The following PTPRN2 variants were observed in gnomAD, a reference collection of about 807,000 sequenced individuals.
PTPRN2 encodes protein tyrosine phosphatase receptor type N2.
In PTPRN2, 74 loss-of-function variants were observed where a neutral mutation model predicts 118.8. That is an observed-to-expected ratio of 0.62 (90% CI 0.52 to 0.76). The LOEUF (loss-of-function observed/expected upper bound fraction) is 0.76. Among genes scored for constraint, PTPRN2 ranks in the 30% least tolerant of loss-of-function variants. The probability of loss-of-function intolerance (pLI) is 0.00; values close to 1 mark genes in which losing one functional copy is unlikely to be tolerated. For missense variants in PTPRN2, 1,481 were observed against 1,394.4 expected, an observed-to-expected ratio of 1.06 and a Z score of -0.99; for synonymous variants, 641 against 608.0, an observed-to-expected ratio of 1.05 and a Z score of -0.80.
chr7:158,321,396 T>A (rs1457903963), intron 2 of PTPRN2, among the ~76,000 whole-genome samples: 1 of 152,072 alleles, frequency 6.6e-6, no homozygotes, highest in Admixed American at 6.5e-5. Flanking sequence ...CCTCATGAAC[T>A]CTCTTCTACT....
chr7:157,684,858 G>A lies in PTPRN2; in HGVS notation c.1789-1921C>T, dbSNP rs548712492. On this transcript the variant is annotated intron_variant, in intron 12 of 22. Coordinates refer to ENST00000389418, the MANE Select transcript of PTPRN2 (RefSeq NM_002847.5). Reference sequence around the variant, plus strand: ...GGCAGCCCCGCCCTGTGCCCTCCTGGGCCGGCGCGAGGGACCCTAGAGCGC... The same window carrying A: ...GGCAGCCCCGCCCTGTGCCCTCCTGAGCCGGCGCGAGGGACCCTAGAGCGC... Among the ~76,000 whole-genome samples, 355 of 152,110 alleles carry A rather than the reference G, an allele frequency of 2.3e-3. 1 individual carries two copies. Among genetic ancestry groups the A allele is most frequent in the African/African-American group, 8.1e-3 (335 of 41,548 alleles).
intron 2 of PTPRN2, among the ~76,000 whole-genome samples, chr7:158,341,845 C>T (rs1806889581): frequency 2.0e-5 from 1 of 50,634 alleles, no homozygotes; most frequent in Middle Eastern, 0.015. Context: ...CACACCCACA[C>T]TCTCACCATA....
At chr7:157,889,828 A>G (rs74354849) in intron 12 of PTPRN2, among the ~76,000 whole-genome samples, 1,914 of 152,298 alleles carry the variant, frequency 0.013, 37 homozygotes, top group African/African-American at 0.044. Flanking sequence ...GCTCTTTATA[A>G]GGAATAAAGC....
intron 3 of PTPRN2, among the ~76,000 whole-genome samples, chr7:158,220,099 T>G (rs1828243616): frequency 6.6e-6 from 1 of 152,084 alleles, no homozygotes; most frequent in Admixed American, 6.5e-5. Flanking sequence ...TTCAATAAAA[T>G]TCAACATCCC....
rs1056688565 is a variant in PTPRN2, at chr7:158,456,535, G to A, written c.163+33200C>T. Among the ~76,000 whole-genome samples, 19 of 147,696 alleles carry A rather than the reference G, an allele frequency of 1.3e-4. No individual in the cohort carries two copies. The South Asian group carries it at 1.3e-3, about 10-fold the overall frequency. On this transcript the variant is annotated intron_variant, in intron 2 of 22. Transcript: ENST00000389418. The stretch of plus-strand genomic sequence containing the variant: ...ATGCCATCGGCCATGGCCCCCCATC[G>A]CTCTGCGGAGAACATAACGGCACGG...
At position 157,690,469 on chromosome 7, in the gene PTPRN2, C is replaced by A. The variant is rs1000376672; in HGVS notation, c.1789-7532G>T. Among the ~76,000 whole-genome samples, 2 of 152,154 alleles carry A rather than the reference C, an allele frequency of 1.3e-5. No individual in the cohort carries two copies. Among genetic ancestry groups the A allele is most frequent in the African/African-American group, 2.4e-5 (1 of 41,468 alleles). On this transcript the variant is annotated intron_variant, in intron 12 of 22. Coordinates refer to ENST00000389418, the MANE Select transcript of PTPRN2 (RefSeq NM_002847.5). This position sits in a 1 kb window ranked among gnomAD's most constrained non-coding sequence, Gnocchi z 7.1. ...GTGGGCCCTTCCTGCTCCCTCCGCC[C>A]CCATCCCAGCCTCTCTCGCCTCTTC...
intron 19 of PTPRN2, 86 bp from the exon 20 acceptor site, chr7:157,571,579 C>T: frequency 1.0e-6 from 1 of 995,216 alleles, no homozygotes; most frequent in South Asian, 1.5e-5. Flanking sequence ...AGCGCAAGGT[C>T]TGTGTGTTTG....
chr7:157,668,131 G>A (rs969699502), intron 13 of PTPRN2, among the ~76,000 whole-genome samples: 5 of 152,254 alleles, frequency 3.3e-5, no homozygotes, highest in African/African-American at 1.2e-4. Context: ...CTGTGCCCAG[G>A]CCGGGGCCCT....
intron 11 of PTPRN2, among the ~76,000 whole-genome samples, chr7:158,062,612 A>C (rs973471351): frequency 7.2e-5 from 11 of 151,926 alleles, no homozygotes; most frequent in Admixed American, 7.2e-4. Context: ...CGTGGTGCTC[A>C]CGGGCCAGCA....
chr7:157,803,535 C>T (rs577830030), intron 12 of PTPRN2, among the ~76,000 whole-genome samples: 8 of 152,276 alleles, frequency 5.3e-5, no homozygotes, highest in South Asian at 4.1e-4. Context: ...ATGCTTCCCC[C>T]GTGTTTTCTT....
At chr7:158,325,439 C>A (rs184239644) in intron 2 of PTPRN2, among the ~76,000 whole-genome samples, 225 of 152,066 alleles carry the variant, frequency 1.5e-3, no homozygotes, top group Non-Finnish European at 2.4e-3. Flanking sequence ...ACAATATGAT[C>A]ACTTAATTTA....
rs1433277032 is a variant in PTPRN2, at chr7:158,172,113, A to G, written c.550-4822T>C. 1.3e-5 allele frequency among the ~76,000 whole-genome samples: 2 copies of G among 152,194 alleles called. 1 individual carries two copies. The highest frequency in any genetic ancestry group is 4.8e-5 in the African/African-American group (2 of 41,446). On this transcript the variant is annotated intron_variant, in intron 5 of 22. Coordinates refer to ENST00000389418, the MANE Select transcript of PTPRN2 (RefSeq NM_002847.5). ...CCCACTGCATTTCCATATGACGAGA[A>G]GCAGAACCCACTCGCCCACACACTG...
intron 11 of PTPRN2, among the ~76,000 whole-genome samples, chr7:158,018,413 CCT>C (rs1220326536): frequency 6.6e-6 from 1 of 152,224 alleles, no homozygotes; most frequent in Non-Finnish European, 1.5e-5. Flanking sequence ...CATATAAATC[CCT>C]GTTTGTGACG....
Position 157,986,378 on chromosome 7 carries a change from C to T in PTPRN2, c.1724-87641G>A, listed in dbSNP as rs1037775888. Among the ~76,000 whole-genome samples the T allele has an allele frequency of 6.6e-6, 1 of 152,172 alleles. No homozygotes were observed. The highest frequency in any genetic ancestry group is 1.5e-5 in the Non-Finnish European group (1 of 68,028). On this transcript the variant is annotated intron_variant, in intron 11 of 22. Coordinates refer to ENST00000389418, the MANE Select transcript of PTPRN2 (RefSeq NM_002847.5). The surrounding 1 kb of genome is among the most constrained non-coding windows in gnomAD (Gnocchi z 4.5). The stretch of plus-strand genomic sequence containing the variant: ...AGAGGTCAGCTAGTCCAATTGCTTC[C>T]TTGTAGACACGCAGAAACTGACGCC...
intron 2 of PTPRN2, among the ~76,000 whole-genome samples, chr7:158,412,627 GC>G (rs1814231636): frequency 1.0e-5 from 1 of 97,044 alleles, no homozygotes; most frequent in Non-Finnish European, 2.0e-5. Context: ...CAGCACCAGG[GC>G]CCACCTCAGC....
At chr7:158,153,328 G>T (rs922294636) in intron 6 of PTPRN2, among the ~76,000 whole-genome samples, 2 of 152,222 alleles carry the variant, frequency 1.3e-5, no homozygotes, top group Non-Finnish European at 2.9e-5. Flanking sequence ...CATTCAGAAA[G>T]CCCTCTGTCC....
intron 12 of PTPRN2, chr7:157,863,389 C>A (rs1412580472): frequency 6.6e-6 from 1 of 152,208 alleles, no homozygotes; most frequent in Admixed American, 6.5e-5. Context: ...TCCCAGCTTG[C>A]CTGGGCGGCG....
At chr7:158,460,105 G>A (rs919817833) in intron 2 of PTPRN2, among the ~76,000 whole-genome samples, 13 of 117,158 alleles carry the variant, frequency 1.1e-4, no homozygotes, top group Admixed American at 2.6e-4. Flanking sequence ...CCTGTGTGCC[G>A]TCAGCACAGG....
intron 2 of PTPRN2, among the ~76,000 whole-genome samples, chr7:158,338,643 A>T (rs200704032): frequency 3.9e-5 from 1 of 25,338 alleles, no homozygotes. Flanking sequence ...CTCACCATAA[A>T]AGCTGATGCC....
Sources: gnomAD v4.1 joint callset for allele counts (sites outside exome capture counted in the v4.1 genomes callset) on GRCh38, gnomAD v4.1.1 for gene constraint, Gnocchi (gnomAD v3.1) non-coding constraint, MANE v1.5 for transcripts, NCBI Gene and HGNC (gene_info 2026-07-23, HGNC 2026-07-21) for gene names.